ZNF536: variants seen among roughly 807,000 people sequenced by gnomAD.
ZNF536 encodes the protein zinc finger protein 536.
In ZNF536, 13 loss-of-function variants were observed where a neutral mutation model predicts 84.5. The ratio of observed to expected loss-of-function variants is 0.15; its 90% CI spans 0.10 to 0.24. The LOEUF is 0.24. Among genes scored for constraint, ZNF536 ranks in the 10% least tolerant of loss-of-function variants. The pLI is 1.00. For synonymous variants in ZNF536, 811 were observed against 742.5 expected (o/e 1.09, Z -1.50); for missense variants, 1,536 against 1,747.5 (o/e 0.88, Z 2.16).
At chr19:30,574,974 C>T (rs978338485) in intron 1 of ZNF536, among the ~76,000 whole-genome samples, 5 of 151,968 alleles carry the variant, frequency 3.3e-5, no homozygotes, top group Admixed American at 6.6e-5. Context: ...GGCTGTAGTT[C>T]GTCATCTGGG....
intron 1 of ZNF536, among the ~76,000 whole-genome samples, chr19:30,627,982 C>A (rs2048748801): frequency 6.6e-6 from 1 of 152,202 alleles, no homozygotes; most frequent in Non-Finnish European, 1.5e-5. Context: ...AACCCAGAAC[C>A]CGTGTCCCCC....
intron 1 of ZNF536, among the ~76,000 whole-genome samples, chr19:30,570,817 G>A (rs1390475645): frequency 6.6e-6 from 1 of 152,084 alleles, no homozygotes; most frequent in African/African-American, 2.4e-5. Context: ...TAATAAATTG[G>A]CCATGAAAAT....
At chr19:30,632,504 G>T (rs1215636710) in intron 1 of ZNF536, among the ~76,000 whole-genome samples, 3 of 152,152 alleles carry the variant, frequency 2.0e-5, no homozygotes, top group Non-Finnish European at 4.4e-5. Context: ...TACTCAGGAG[G>T]CTGAGGCAGG....
intron 1 of ZNF536, among the ~76,000 whole-genome samples, chr19:30,637,224 C>A (rs1308141356): frequency 1.3e-5 from 2 of 152,220 alleles, no homozygotes; most frequent in African/African-American, 4.8e-5. Flanking sequence ...AAACTGGAAC[C>A]TTTCCCCATA....
chr19:30,525,601 G>T (rs931046818), intron 2 of ZNF536, among the ~76,000 whole-genome samples: 51 of 152,194 alleles, frequency 3.4e-4, no homozygotes, highest in South Asian at 6.2e-4. Context: ...ATCTGTGAAG[G>T]GCGATGTGGA....
chr19:30,312,712 C>T (rs2146114494), intron 2 of ZNF536, among the ~76,000 whole-genome samples: 1 of 152,336 alleles, frequency 6.6e-6, no homozygotes, highest in East Asian at 1.9e-4. Flanking sequence ...GAGTGGCTCC[C>T]TCTTGCTTAG....
At chr19:30,609,265 A>G (rs1934388610) in intron 1 of ZNF536, among the ~76,000 whole-genome samples, 1 of 152,194 alleles carries the variant, frequency 6.6e-6, no homozygotes, top group Non-Finnish European at 1.5e-5. Context: ...ATCAGTCAAT[A>G]GAAAAATGGA....
At chr19:30,660,518 CA>C (rs2050087270) in intron 1 of ZNF536, among the ~76,000 whole-genome samples, 1 of 152,044 alleles carries the variant, frequency 6.6e-6, no homozygotes, top group South Asian at 2.1e-4. Flanking sequence ...CTTCAGGCCC[CA>C]AAATAAATAT....
At chr19:30,288,240 A>C (rs2045717536) in intron 2 of ZNF536, among the ~76,000 whole-genome samples, 1 of 152,182 alleles carries the variant, frequency 6.6e-6, no homozygotes, top group Non-Finnish European at 1.5e-5. Flanking sequence ...TGCCCACGTG[A>C]CTGGATGTCC....
intron 1 of ZNF536, among the ~76,000 whole-genome samples, chr19:30,564,308 A>C (rs984219833): frequency 6.6e-6 from 1 of 152,158 alleles, no homozygotes. Context: ...AAAAAAAAGA[A>C]AAAAGGAAAG....
Position 30,683,549 on chromosome 19 carries a change from G to A in ZNF536, c.170-27208G>A, listed in dbSNP as rs189565524. ...CTGGGACTAGGAGGATAACCTGAGC[G>A]GATTTTTTTTTTTTCTCTTTTTCCC... is the stretch of plus-strand genomic sequence containing the variant. On this transcript the variant is annotated intron_variant, in intron 1 of 1. Transcript: ENST00000592773. Among the ~76,000 whole-genome samples the A allele has an allele frequency of 1.2e-3, 188 of 151,792 alleles. 2 individuals are homozygous for A. Among genetic ancestry groups the A allele is most frequent in the Admixed American group, 0.012 (180 of 15,266 alleles).
At chr19:30,599,779 T>C (rs1004214218) in intron 1 of ZNF536, among the ~76,000 whole-genome samples, 1 of 152,134 alleles carries the variant, frequency 6.6e-6, no homozygotes, top group Non-Finnish European at 1.5e-5. Flanking sequence ...ACAAAGCACA[T>C]TTGTCTAGGT....
chr19:30,646,871 T>A (rs183376555), intron 1 of ZNF536, among the ~76,000 whole-genome samples: 15 of 152,288 alleles, frequency 9.8e-5, no homozygotes, highest in African/African-American at 2.6e-4. Context: ...TTTAAAAAAA[T>A]TAATTAAAAA....
At chr19:30,695,534 GGAA>G (rs2051620966) in intron 1 of ZNF536, among the ~76,000 whole-genome samples, 1 of 152,166 alleles carries the variant, frequency 6.6e-6, no homozygotes, top group South Asian at 2.1e-4. Context: ...GGGTCTCAAT[GGAA>G]GAAGATGTGG....
chr19:30,553,148 T>C (rs905486936), intron 4 of ZNF536, among the ~76,000 whole-genome samples: 1 of 152,212 alleles, frequency 6.6e-6, no homozygotes, highest in South Asian at 2.1e-4. Flanking sequence ...ATGTTTGACC[T>C]TGGTTTTGTA....
chr19:30,584,290 C>T (rs1273510952), intron 1 of ZNF536, among the ~76,000 whole-genome samples: 6 of 152,214 alleles, frequency 3.9e-5, no homozygotes, highest in African/African-American at 4.8e-5. Flanking sequence ...GGGACTCAGG[C>T]AGATAACGCC....
intron 2 of ZNF536, among the ~76,000 whole-genome samples, chr19:30,288,382 G>A (rs756968767): frequency 6.6e-6 from 1 of 152,200 alleles, no homozygotes; most frequent in South Asian, 2.1e-4. Context: ...TAGGTCAGCT[G>A]TCTTGAGGGG....
In ZNF536 at chr19:30,459,782, G is replaced by A. The variant is rs192922199; in HGVS notation, c.2170+14050G>A. On this transcript the variant is annotated intron_variant, in intron 2 of 4. Transcript: ENST00000355537. ...CAGTTGTTTGCATCAGGCTCTCTTC[G>A]CTGGAGGTTGATTAGGGTGCCCTTG... is the stretch of plus-strand genomic sequence containing the variant. 3.3e-4 allele frequency among the ~76,000 whole-genome samples: 50 copies of A among 152,272 alleles called. No individual in the cohort carries two copies. The East Asian group carries it at 8.3e-3, about 25-fold the overall frequency.
At chr19:30,513,516 C>A (rs1187273069) in intron 2 of ZNF536, among the ~76,000 whole-genome samples, 1 of 152,182 alleles carries the variant, frequency 6.6e-6, no homozygotes, top group Non-Finnish European at 1.5e-5. Context: ...ATTCAATCAG[C>A]AGTCTGTAAT....
Sources: gnomAD v4.1 joint callset for allele counts (sites outside exome capture counted in the v4.1 genomes callset) on GRCh38, gnomAD v4.1.1 for gene constraint, MANE v1.5 for transcripts, NCBI Gene and HGNC (gene_info 2026-07-23, HGNC 2026-07-21) for gene names.